CACNB4: variants seen among roughly 807,000 people sequenced by gnomAD.
The protein encoded by CACNB4 is voltage-dependent L-type calcium channel subunit beta-4.
Under a neutral mutation model 71.2 loss-of-function variants are expected in CACNB4, and 32 were observed. That is an observed-to-expected ratio of 0.45 (90% CI 0.34 to 0.60). The LOEUF is 0.60. Ranked by LOEUF, CACNB4 falls within the 20% of genes least tolerant of loss-of-function variation. CACNB4 has a pLI of 0.01. For synonymous variants in CACNB4, 231 were observed against 236.9 expected, an observed-to-expected ratio of 0.97 and a Z score of 0.23; for missense variants, 464 against 647.9, an observed-to-expected ratio of 0.72 and a Z score of 3.08.
intron 2 of CACNB4, among the ~76,000 whole-genome samples, chr2:151,977,532 C>T (rs888886476): frequency 1.3e-5 from 2 of 152,168 alleles, no homozygotes; most frequent in Non-Finnish European, 2.9e-5. Flanking sequence ...AGAGTGAACC[C>T]ATGAAATTGA....
chr2:151,979,029 T>C (rs1168984232), intron 2 of CACNB4, among the ~76,000 whole-genome samples: 1 of 152,060 alleles, frequency 6.6e-6, no homozygotes, highest in Non-Finnish European at 1.5e-5. Flanking sequence ...GCTCTCCCAC[T>C]GGCCTCCTCA....
At chr2:151,905,118 T>C (rs1181809241) in intron 2 of CACNB4, among the ~76,000 whole-genome samples, 1 of 152,222 alleles carries the variant, frequency 6.6e-6, no homozygotes, top group Non-Finnish European at 1.5e-5. Context: ...TACTGTACTC[T>C]TAAATGTAGC....
rs1020578335 is a variant in CACNB4 at position 151,836,768 on chromosome 2, T to A, written c.*2351A>T. Reference sequence around the variant, plus strand: ...TGACTTTTAAAAAGTTGAAAGAAGATGGTAATCTTGATGACTAGGAAATAT... The same window carrying A: ...TGACTTTTAAAAAGTTGAAAGAAGAAGGTAATCTTGATGACTAGGAAATAT... On this transcript the variant is annotated 3_prime_UTR_variant, in exon 14 of 14. Coordinates refer to ENST00000539935, the MANE Select transcript of CACNB4 (RefSeq NM_000726.5). The A allele has an allele frequency of 6.6e-6, 1 of 151,886 alleles. No homozygotes were observed. The highest frequency in any genetic ancestry group is 2.4e-5 in the African/African-American group (1 of 41,424). 9.4% of individuals were successfully genotyped at this position (151,886 alleles called of 1,614,324 possible). A position where few individuals can be genotyped will look rare whatever the true frequency, so the allele number is the denominator to read the frequency against.
At chr2:152,089,515 G>A (rs999363819) in intron 2 of CACNB4, among the ~76,000 whole-genome samples, 1 of 152,204 alleles carries the variant, frequency 6.6e-6, no homozygotes, top group Admixed American at 6.5e-5. Context: ...GAGGATACAT[G>A]TTTTGAGGCC....
intron 2 of CACNB4, among the ~76,000 whole-genome samples, chr2:152,075,350 G>C (rs1221607469): frequency 6.6e-6 from 1 of 152,180 alleles, no homozygotes; most frequent in African/African-American, 2.4e-5. Flanking sequence ...ACTGTCAATG[G>C]GAGAGAGACC....
chr2:151,961,284 G>A (rs957957559), intron 2 of CACNB4, among the ~76,000 whole-genome samples: 2 of 152,132 alleles, frequency 1.3e-5, no homozygotes, highest in African/African-American at 2.4e-5. Flanking sequence ...GGTCTCATTC[G>A]CACTTTCCTT....
chr2:152,049,981 A>G (rs1009766631), intron 2 of CACNB4, among the ~76,000 whole-genome samples: 6 of 152,266 alleles, frequency 3.9e-5, no homozygotes, highest in African/African-American at 1.2e-4. Flanking sequence ...AGACCACAGT[A>G]TGGAGATGGG....
chr2:152,008,795 GT>G (rs1682880348), intron 2 of CACNB4, among the ~76,000 whole-genome samples: 1 of 152,144 alleles, frequency 6.6e-6, no homozygotes, highest in Non-Finnish European at 1.5e-5. Context: ...CGGGGAGCTT[GT>G]TGGGAATGCA....
chr2:151,996,205 T>C (rs1439022514), intron 2 of CACNB4, among the ~76,000 whole-genome samples: 4 of 152,244 alleles, frequency 2.6e-5, no homozygotes, highest in African/African-American at 9.6e-5. Context: ...TGGAAACAAG[T>C]TGAATACAAC....
chr2:152,044,733 G>C (rs1479974351), intron 2 of CACNB4, among the ~76,000 whole-genome samples: 1 of 152,172 alleles, frequency 6.6e-6, no homozygotes, highest in Non-Finnish European at 1.5e-5. Flanking sequence ...GCTGGAATGA[G>C]TTTTCCCTCA....
intron 2 of CACNB4, among the ~76,000 whole-genome samples, chr2:152,097,997 T>C (rs1312318305): frequency 1.3e-5 from 2 of 152,184 alleles, no homozygotes; most frequent in African/African-American, 4.8e-5. Context: ...GTTATACGAA[T>C]TAAAGACATT....
chr2:152,088,140 AACACAC>A (rs55688548), intron 2 of CACNB4, among the ~76,000 whole-genome samples: 2 of 136,938 alleles, frequency 1.5e-5, no homozygotes, highest in Non-Finnish European at 3.1e-5. Context: ...TTCCCCACTT[AACACAC>A]ACACACACAC....
In CACNB4 at chr2:151,872,424, T is replaced by G. The variant is rs1310511653; in HGVS notation, c.591A>C (p.Thr197=). The change falls in exon 6 of 14, where the codon ACA becomes ACC. Residue 197 remains threonine (T), a synonymous_variant. Coordinates refer to ENST00000539935, the MANE Select transcript of CACNB4 (RefSeq NM_000726.5). The stretch of plus-strand genomic sequence containing the variant: ...TTTAACTACAACCCTCACCTGTTGA[T>G]GTGGGAGTTGCTCGGAATGTCCCAG... ...MVSGTFRATP[T]STAKQKQKVT... 6.3e-7 allele frequency: 1 copy of G among 1,579,370 alleles called. No homozygotes were observed. Among genetic ancestry groups the G allele is most frequent in the East Asian group, 2.2e-5 (1 of 44,638 alleles).
chr2:151,961,621 T>C (rs2099869664), intron 2 of CACNB4, among the ~76,000 whole-genome samples: 1 of 152,154 alleles, frequency 6.6e-6, no homozygotes, highest in Admixed American at 6.5e-5. Context: ...CTGAGCGCAG[T>C]GGCTTATGGC....
chr2:152,054,149 C>T (rs577428738), intron 2 of CACNB4, among the ~76,000 whole-genome samples: 6 of 151,682 alleles, frequency 4.0e-5, no homozygotes, highest in African/African-American at 7.3e-5. Flanking sequence ...GGGCAGATCA[C>T]GAGGTCAGGA....
At chr2:151,889,465 C>CAAA (rs55990443) in intron 2 of CACNB4, among the ~76,000 whole-genome samples, 11 of 94,698 alleles carry the variant, frequency 1.2e-4, no homozygotes, top group East Asian at 2.7e-4. Flanking sequence ...GACTCTGTCT[C>CAAA]AAAAAAAAAA....
chr2:151,875,960 G>T (rs2099846093), intron 5 of CACNB4, among the ~76,000 whole-genome samples: 2 of 134,626 alleles, frequency 1.5e-5, no homozygotes, highest in African/African-American at 2.7e-5. Context: ...GGGGCGGCTG[G>T]CCGGGCGGGG....
chr2:152,018,620 T>A (rs1683479491), intron 2 of CACNB4, among the ~76,000 whole-genome samples: 1 of 152,052 alleles, frequency 6.6e-6, no homozygotes, highest in South Asian at 2.1e-4. Flanking sequence ...CCTGGCAACA[T>A]AGTGAAACCC....
intron 2 of CACNB4, among the ~76,000 whole-genome samples, chr2:151,904,785 T>C (rs2099854375): frequency 6.6e-6 from 1 of 152,212 alleles, no homozygotes; most frequent in Non-Finnish European, 1.5e-5. Flanking sequence ...TCTGCCTGCC[T>C]TGGCCTCCCA....
Sources: gnomAD v4.1 joint callset for allele counts (sites outside exome capture counted in the v4.1 genomes callset) on GRCh38, gnomAD v4.1.1 for gene constraint, MANE v1.5 for transcripts, NCBI Gene and HGNC (gene_info 2026-07-23, HGNC 2026-07-21) for gene names.